The following CCSER1 variants were observed in gnomAD, a reference collection of about 807,000 sequenced individuals.
The protein encoded by CCSER1 is coiled-coil serine rich protein 1, also known as serine-rich coiled-coil domain-containing protein 1.
Under a neutral mutation model 82.0 loss-of-function variants are expected in CCSER1, and 41 were observed. That is an observed-to-expected ratio of 0.50 (90% CI 0.39 to 0.65). The LOEUF is 0.65. Among genes scored for constraint, CCSER1 ranks in the 30% least tolerant of loss-of-function variants. The pLI is 0.00. For synonymous variants in CCSER1, 414 were observed against 383.9 expected (o/e 1.08, Z -0.92); for missense variants, 1,119 against 1,064.2 (o/e 1.05, Z -0.72).
At chr4:90,389,171 A>T (rs1750573450) in intron 3 of CCSER1, among the ~76,000 whole-genome samples, 1 of 152,178 alleles carries the variant, frequency 6.6e-6, no homozygotes, top group Non-Finnish European at 1.5e-5. Context: ...TCTTTGGCTA[A>T]CTCCAGCATA....
intron 7 of CCSER1, chr4:90,727,314 A>G (rs1263789860): frequency 2.2e-6 from 1 of 455,566 alleles, no homozygotes; most frequent in South Asian, 1.6e-5. Context: ...ACAAAATGTT[A>G]TCAAACATCA....
At position 90,270,113 on chromosome 4, in the gene CCSER1, C is replaced by G. The variant is rs140656211; in HGVS notation, c.-41-38131C>G. ...AACCTTTAAAGAGCTAATACCAGTC[C>G]CACTGCAACTACTCCAAATATTATA... On this transcript the variant is annotated intron_variant, in intron 1 of 10. Coordinates refer to ENST00000509176, the MANE Select transcript of CCSER1 (RefSeq NM_001145065.2). 8.9e-3 allele frequency among the ~76,000 whole-genome samples: 1,349 copies of G among 152,070 alleles called. 28 individuals carry two copies. Among genetic ancestry groups the G allele is most frequent in the East Asian group, 0.062 (323 of 5,174 alleles).
intron 6 of CCSER1, among the ~76,000 whole-genome samples, chr4:90,666,564 C>T (rs1340078659): frequency 5.3e-5 from 8 of 152,074 alleles, no homozygotes; most frequent in Non-Finnish European, 1.2e-4. Context: ...AGGATGATAC[C>T]AGCATGAGCC....
chr4:91,136,792 G>C (rs1051117620), intron 10 of CCSER1, among the ~76,000 whole-genome samples: 20 of 151,950 alleles, frequency 1.3e-4, no homozygotes, highest in African/African-American at 4.6e-4. Flanking sequence ...TGTGAATCAT[G>C]GTTCTTATTT....
intron 10 of CCSER1, among the ~76,000 whole-genome samples, chr4:91,539,947 G>A (rs1447528095): frequency 3.9e-5 from 6 of 151,982 alleles, no homozygotes; most frequent in African/African-American, 1.4e-4. Context: ...GATGTGATTC[G>A]ATAAAAGAAA....
intron 10 of CCSER1, among the ~76,000 whole-genome samples, chr4:91,280,091 A>G (rs1006213328): frequency 6.6e-6 from 1 of 152,192 alleles, no homozygotes; most frequent in Admixed American, 6.5e-5. Context: ...GTTTTACTGG[A>G]GATGAAGACA....
chr4:91,385,487 C>A (rs1455255184), intron 10 of CCSER1, among the ~76,000 whole-genome samples: 1 of 151,888 alleles, frequency 6.6e-6, no homozygotes, highest in Non-Finnish European at 1.5e-5. Context: ...CTATGCTTTT[C>A]TGCATTGTTC....
intron 10 of CCSER1, among the ~76,000 whole-genome samples, chr4:91,117,835 C>A (rs1007748181): frequency 2.6e-5 from 4 of 152,084 alleles, no homozygotes; most frequent in Non-Finnish European, 4.4e-5. Flanking sequence ...AACCTATTTT[C>A]TTATTTTCAT....
intron 4 of CCSER1, among the ~76,000 whole-genome samples, chr4:90,455,826 G>A (rs201276773): frequency 6.6e-6 from 1 of 152,156 alleles, no homozygotes; most frequent in African/African-American, 2.4e-5. Context: ...CGATGCAGGA[G>A]GGCCTAGTTG....
chr4:91,087,541 GTA>G (rs1723509898), intron 10 of CCSER1, among the ~76,000 whole-genome samples: 1 of 152,098 alleles, frequency 6.6e-6, no homozygotes, highest in African/African-American at 2.4e-5. Context: ...AATTTTAGAA[GTA>G]TATTGTTCTC....
chr4:90,924,698 T>C (rs771068096), intron 9 of CCSER1, among the ~76,000 whole-genome samples: 37 of 152,154 alleles, frequency 2.4e-4, no homozygotes, highest in Non-Finnish European at 5.1e-4. Context: ...TTTTTTCCTG[T>C]CTAAAAACTT....
intron 1 of CCSER1, among the ~76,000 whole-genome samples, chr4:90,289,442 C>T (rs917078556): frequency 1.3e-4 from 20 of 151,854 alleles, no homozygotes; most frequent in African/African-American, 4.8e-4. Flanking sequence ...CAAAATATCT[C>T]TGTATAAAGT....
chr4:90,165,357 T>C (rs1340636152), intron 1 of CCSER1, among the ~76,000 whole-genome samples: 2 of 152,112 alleles, frequency 1.3e-5, no homozygotes, highest in Admixed American at 6.6e-5. Context: ...GATTTGGTGA[T>C]GAGCATACCC....
At chr4:90,337,755 T>G (rs1191747786) in intron 3 of CCSER1, among the ~76,000 whole-genome samples, 2 of 152,134 alleles carry the variant, frequency 1.3e-5, no homozygotes, top group African/African-American at 2.4e-5. Context: ...AAAAGTAAGC[T>G]ATTTTCAGAT....
chr4:90,488,313 GAGTAGCTGGGACTACAGGCACCCAC>G (rs1347495247), intron 5 of CCSER1, among the ~76,000 whole-genome samples: 1 of 151,852 alleles, frequency 6.6e-6, no homozygotes, highest in Non-Finnish European at 1.5e-5. Flanking sequence ...TCAGCCTCCC[GAGTAGCTGGGACTACAGGCACCCAC>G]CACCACACCC....
intron 10 of CCSER1, among the ~76,000 whole-genome samples, chr4:91,116,236 T>C (rs1489949076): frequency 2.6e-5 from 4 of 152,136 alleles, no homozygotes; most frequent in Non-Finnish European, 5.9e-5. Context: ...TGGAATACTA[T>C]GCAGCCATAA....
intron 8 of CCSER1, among the ~76,000 whole-genome samples, chr4:90,881,543 G>A (rs1012463595): frequency 6.6e-6 from 1 of 152,064 alleles, no homozygotes; most frequent in Non-Finnish European, 1.5e-5. Context: ...AGGCCAAGGC[G>A]GGTGGACTGT....
At chr4:90,919,628 A>G (rs1306851331) in intron 8 of CCSER1, among the ~76,000 whole-genome samples, 2 of 151,904 alleles carry the variant, frequency 1.3e-5, no homozygotes, top group Admixed American at 1.3e-4. Flanking sequence ...TATTAGGTTC[A>G]TATATATTTA....
At chr4:90,958,996 A>G (rs1193014148) in intron 9 of CCSER1, among the ~76,000 whole-genome samples, 2 of 152,188 alleles carry the variant, frequency 1.3e-5, no homozygotes, top group Admixed American at 6.5e-5. Flanking sequence ...ATTTTATATA[A>G]CAAAGTAATT....
Sources: allele counts gnomAD v4.1 joint callset (sites outside exome capture counted in the v4.1 genomes callset), GRCh38; gene constraint gnomAD v4.1.1; transcripts MANE v1.5; gene names NCBI Gene and HGNC (gene_info 2026-07-23, HGNC 2026-07-21).